The following MSH3 variants were observed in gnomAD, a reference collection of about 807,000 sequenced individuals.
The protein encoded by MSH3 is DNA mismatch repair protein Msh3.
Under a neutral mutation model 123.3 loss-of-function variants are expected in MSH3, and 106 were observed. The observed-to-expected ratio is 0.86, with a 90% confidence interval of 0.73 to 1.01. The LOEUF (loss-of-function observed/expected upper bound fraction) is 1.01, where lower values mean the gene tolerates loss of function less well. Among genes scored for constraint, MSH3 ranks in the 50% least tolerant of loss-of-function variants. The pLI is 0.00. For missense variants in MSH3, 1,459 were observed against 1,347.6 expected (o/e 1.08, Z -1.29); for synonymous variants, 515 against 481.4 (o/e 1.07, Z -0.91).
chr5:80,858,707 T>C (rs1419491475), intron 21 of MSH3, among the ~76,000 whole-genome samples: 1 of 152,160 alleles, frequency 6.6e-6, no homozygotes, highest in East Asian at 1.9e-4. Flanking sequence ...TCTATAGATA[T>C]AAATGATGTC....
chr5:80,859,263 A>G (rs1008557218), intron 21 of MSH3, among the ~76,000 whole-genome samples: 56 of 152,076 alleles, frequency 3.7e-4, no homozygotes, highest in African/African-American at 7.9e-4. Context: ...TGGGATTACA[A>G]GTGTGTGCCA....
intron 10 of MSH3, among the ~76,000 whole-genome samples, chr5:80,729,522 A>T (rs1010794630): frequency 2.7e-5 from 4 of 150,290 alleles, no homozygotes. Flanking sequence ...TAGCTATTTG[A>T]TATATTATAG....
intron 8 of MSH3, among the ~76,000 whole-genome samples, chr5:80,680,085 T>C (rs2112819969): frequency 6.6e-6 from 1 of 151,644 alleles, no homozygotes; most frequent in Non-Finnish European, 1.5e-5. Context: ...AAACCCCGTT[T>C]CTACTAAAAA....
At chr5:80,696,102 C>T (rs1750472591) in intron 8 of MSH3, among the ~76,000 whole-genome samples, 1 of 152,144 alleles carries the variant, frequency 6.6e-6, no homozygotes, top group Non-Finnish European at 1.5e-5. Flanking sequence ...TCCAGCTTCC[C>T]ATGTGGCCTC....
chr5:80,790,557 T>C (rs372159628), intron 18 of MSH3, among the ~76,000 whole-genome samples: 1 of 152,194 alleles, frequency 6.6e-6, no homozygotes, highest in Non-Finnish European at 1.5e-5. Flanking sequence ...TCAACTATAA[T>C]ATAAAAGTCT....
intron 8 of MSH3, among the ~76,000 whole-genome samples, chr5:80,694,006 A>C (rs993079036): frequency 6.6e-6 from 1 of 152,200 alleles, no homozygotes; most frequent in Non-Finnish European, 1.5e-5. Flanking sequence ...TGGAATTGGC[A>C]TATGGAGAGA....
chr5:80,819,779 G>T (rs372554360), intron 20 of MSH3, among the ~76,000 whole-genome samples: 1 of 152,052 alleles, frequency 6.6e-6, no homozygotes, highest in Non-Finnish European at 1.5e-5. Context: ...GAGCCACTGC[G>T]CCCGGCCAAA....
intron 20 of MSH3, among the ~76,000 whole-genome samples, chr5:80,833,215 C>G (rs1745449799): frequency 6.6e-6 from 1 of 151,672 alleles, no homozygotes; most frequent in Admixed American, 6.6e-5. Flanking sequence ...TTTCCTTAAT[C>G]ACATAACTGT....
At chr5:80,799,236 C>T (rs758796682) in intron 19 of MSH3, among the ~76,000 whole-genome samples, 14 of 152,130 alleles carry the variant, frequency 9.2e-5, no homozygotes, top group African/African-American at 2.7e-4. Context: ...CAGCTGGTGC[C>T]GCTCTCCAGC....
rs3797881 is a variant in MSH3 at position 80,689,485 on chromosome 5, G to A, written c.1340+10392G>A. On this transcript the variant is annotated intron_variant, in intron 8 of 23. Coordinates refer to ENST00000265081, the MANE Select transcript of MSH3 (RefSeq NM_002439.5). ...CTCCTCACCCATTTCACTTAAATTA[G>A]TTTTATTATAATGTGACTTAAATAT... Among the ~76,000 whole-genome samples, 115 of 152,170 alleles carry A rather than the reference G, an allele frequency of 7.6e-4. 2 individuals carry two copies. In the East Asian group the frequency reaches 0.02, roughly 27 times the overall value.
intron 21 of MSH3, among the ~76,000 whole-genome samples, chr5:80,857,348 T>C (rs1215157059): frequency 6.6e-6 from 1 of 152,202 alleles, no homozygotes; most frequent in African/African-American, 2.4e-5. Context: ...AGATACTGGT[T>C]TATAGTTTTC....
intron 20 of MSH3, among the ~76,000 whole-genome samples, chr5:80,849,188 G>A (rs1580088566): frequency 6.6e-6 from 1 of 152,270 alleles, no homozygotes; most frequent in African/African-American, 2.4e-5. Flanking sequence ...CAAGAGGTGG[G>A]TTCCCATGGT....
In MSH3 at chr5:80,813,475, A is replaced by G. The variant is rs907275442; in HGVS notation, c.2656-109A>G. 13 of 1,137,568 alleles carry G rather than the reference A, an allele frequency of 1.1e-5. No homozygotes were observed. The African/African-American group carries it at 1.7e-4, about 15-fold the overall frequency. The allele number at this position is 1,137,568 out of a possible 1,614,324, so 70.5% of individuals were successfully genotyped here. On this transcript the variant is annotated intron_variant, in intron 19 of 23. Coordinates refer to ENST00000265081, the MANE Select transcript of MSH3 (RefSeq NM_002439.5). ...GGACCGCTTTCCTTTTGTGATATTT[A>G]TGCTACAAAGTAATGTTTTGCCTAA...
rs1477345599 is a variant in MSH3 at position 80,875,893 on chromosome 5, G to A, written c.*31G>A. ...AGACTACATTTGTGAACAAAAAATGGAGAATTAAAAATACCAACTGTACAA... is the reference window on the plus strand; with the variant it reads ...AGACTACATTTGTGAACAAAAAATGAAGAATTAAAAATACCAACTGTACAA... On this transcript the variant is annotated 3_prime_UTR_variant, in exon 24 of 24. Transcript: ENST00000265081. 3 of 1,361,004 alleles carry A rather than the reference G, an allele frequency of 2.2e-6. No homozygotes were observed. The African/African-American group carries it at 4.3e-5, about 20-fold the overall frequency. 84.3% of individuals were successfully genotyped at this position (1,361,004 alleles called of 1,614,324 possible).
intron 23 of MSH3, among the ~76,000 whole-genome samples, chr5:80,874,172 A>G (rs1746268404): frequency 1.3e-5 from 2 of 152,296 alleles, no homozygotes; most frequent in South Asian, 2.1e-4. Context: ...TCTGGGAATT[A>G]TTACCAAATT....
At chr5:80,766,852 T>C (rs896555988) in intron 13 of MSH3, among the ~76,000 whole-genome samples, 1 of 151,994 alleles carries the variant, frequency 6.6e-6, no homozygotes, top group African/African-American at 2.4e-5. Context: ...TACCCAGAGG[T>C]AACCAGAGTA....
At chr5:80,762,993 C>A (rs1196778274) in intron 13 of MSH3, among the ~76,000 whole-genome samples, 1 of 151,686 alleles carries the variant, frequency 6.6e-6, no homozygotes, top group Admixed American at 6.6e-5. Flanking sequence ...GTTACAGGCA[C>A]CCGCCACTAT....
intron 8 of MSH3, among the ~76,000 whole-genome samples, chr5:80,698,095 C>T (rs1012513343): frequency 1.3e-5 from 2 of 151,806 alleles, no homozygotes; most frequent in Non-Finnish European, 2.9e-5. Context: ...AGAGATGAGG[C>T]CTCTCTATGT....
intron 1 of MSH3, 119 bp from the exon 2 acceptor site, chr5:80,656,290 TTC>T: frequency 7.6e-7 from 1 of 1,311,042 alleles, no homozygotes; most frequent in Non-Finnish European, 1.1e-6. Flanking sequence ...AAGTAGAGGA[TTC>T]TTTGAAGAGT....
Sources: gnomAD v4.1 joint callset for allele counts (sites outside exome capture counted in the v4.1 genomes callset) on GRCh38, gnomAD v4.1.1 for gene constraint, MANE v1.5 for transcripts, NCBI Gene and HGNC (gene_info 2026-07-23, HGNC 2026-07-21) for gene names.